The following PSD3 variants were observed in gnomAD, a reference collection of about 807,000 sequenced individuals.
PSD3 encodes pleckstrin and Sec7 domain containing 3.
Under a neutral mutation model 105.5 loss-of-function variants are expected in PSD3, and 49 were observed. That is an observed-to-expected ratio of 0.46 (90% CI 0.37 to 0.59). The LOEUF is 0.59. Ranked by LOEUF, PSD3 falls within the 20% of genes least tolerant of loss-of-function variation. The pLI is 0.00. For missense variants in PSD3, 1,561 were observed against 1,263.8 expected (o/e 1.24, Z -3.57); for synonymous variants, 557 against 457.8 (o/e 1.22, Z -2.77).
At chr8:19,068,666 C>T (rs181371329) in intron 1 of PSD3, among the ~76,000 whole-genome samples, 4 of 151,548 alleles carry the variant, frequency 2.6e-5, no homozygotes, top group South Asian at 2.1e-4. Context: ...CTGAGAATGA[C>T]GAGTTAATGG....
chr8:18,950,526 T>C (rs1235371291), intron 1 of PSD3, among the ~76,000 whole-genome samples: 1 of 152,114 alleles, frequency 6.6e-6, no homozygotes, highest in African/African-American at 2.4e-5. Context: ...CTGGCCATCA[T>C]CTCCCGATTT....
chr8:18,928,936 G>C (rs1821562000), intron 2 of PSD3, among the ~76,000 whole-genome samples: 2 of 151,864 alleles, frequency 1.3e-5, no homozygotes, highest in Non-Finnish European at 2.9e-5. Flanking sequence ...CCCACCTCCA[G>C]CCTCCCAAGC....
intron 2 of PSD3, among the ~76,000 whole-genome samples, chr8:18,879,591 CT>C (rs879916390): frequency 6.2e-5 from 9 of 146,094 alleles, no homozygotes; most frequent in Admixed American, 2.2e-4. Flanking sequence ...TTCATCATTG[CT>C]TTTTTTTTCT....
At chr8:19,074,777 C>T (rs533745983) in intron 1 of PSD3, among the ~76,000 whole-genome samples, 4 of 151,024 alleles carry the variant, frequency 2.6e-5, no homozygotes, top group Admixed American at 6.6e-5. Flanking sequence ...CCCACCACCA[C>T]ACCGGGCTAA....
chr8:19,080,268 G>T lies in PSD3; in HGVS notation c.324+3938C>A, dbSNP rs138629087. Among the ~76,000 whole-genome samples, 607 of 152,312 alleles carry T rather than the reference G, an allele frequency of 4.0e-3. 7 individuals are homozygous for T. The highest frequency in any genetic ancestry group is 0.014 in the African/African-American group (577 of 41,560). ...TATTCATAGATGCATAGGTATTATA[G>T]AATTTTTGAGGTAGAAAGATTTCCT... On this transcript the variant is annotated intron_variant, in intron 1 of 1. Coordinates refer to the PSD3 transcript ENST00000521475.
chr8:19,069,267 G>A (rs989417104), intron 1 of PSD3, among the ~76,000 whole-genome samples: 5 of 152,022 alleles, frequency 3.3e-5, no homozygotes, highest in Admixed American at 6.6e-5. Context: ...AATCTTATTC[G>A]GGCTGTGGGA....
At position 18,530,932 on chromosome 8, in the gene PSD3, T is replaced by C. The variant is rs1799608737; in HGVS notation, c.*4811A>G. On this transcript the variant is annotated 3_prime_UTR_variant, in exon 16 of 16. Coordinates refer to ENST00000327040, the MANE Select transcript of PSD3 (RefSeq NM_015310.4). ...TACTCTCAACAACTTCATTATATAA[T>C]CAGTCCTATGAGGTTGTACTTGCTT... 1 of 152,228 alleles carries C rather than the reference T, an allele frequency of 6.6e-6. No individual in the cohort carries two copies. Among genetic ancestry groups the C allele is most frequent in the Non-Finnish European group, 1.5e-5 (1 of 68,044 alleles). The allele number at this position is 152,228 out of a possible 1,614,324, so 9.4% of individuals were successfully genotyped here.
intron 8 of PSD3, among the ~76,000 whole-genome samples, chr8:18,777,989 G>C (rs751712232): frequency 6.6e-6 from 1 of 152,062 alleles, no homozygotes; most frequent in Non-Finnish European, 1.5e-5. Flanking sequence ...CATTTTAATG[G>C]AAGAGTAATA....
intron 2 of PSD3, among the ~76,000 whole-genome samples, chr8:18,902,873 C>T (rs1009525684): frequency 2.6e-5 from 4 of 152,252 alleles, no homozygotes; most frequent in Admixed American, 1.3e-4. Flanking sequence ...TTCAGTCCTC[C>T]TATTCTCATT....
chr8:18,820,433 T>C (rs1489975313), intron 4 of PSD3, among the ~76,000 whole-genome samples: 1 of 152,150 alleles, frequency 6.6e-6, no homozygotes, highest in African/African-American at 2.4e-5. Context: ...CCCTACAAAA[T>C]ACCAAAATCC....
rs1006505271 is a variant in PSD3 at position 18,672,292 on chromosome 8, T to TA, written c.2173-16608dup. Among the ~76,000 whole-genome samples the TA allele has an allele frequency of 2.5e-3, 367 of 146,874 alleles. 5 individuals are homozygous for TA. Among genetic ancestry groups the TA allele is most frequent in the East Asian group, 3.7e-3 (19 of 5,084 alleles). On this transcript the variant is annotated intron_variant, in intron 9 of 15. Coordinates refer to ENST00000327040, the MANE Select transcript of PSD3 (RefSeq NM_015310.4). ...GATGAAGTTAACGTGCACAGTTTAT[T>TA]AAAAAAAAAAACTTGCTGGGTAACA... is the stretch of plus-strand genomic sequence containing the variant.
chr8:18,739,507 G>A (rs1317811893), intron 9 of PSD3, among the ~76,000 whole-genome samples: 3 of 152,066 alleles, frequency 2.0e-5, no homozygotes, highest in Non-Finnish European at 4.4e-5. Context: ...AAAGAAGAAG[G>A]TAATATGTAC....
Position 18,959,474 on chromosome 8 carries a change from C to G in PSD3, c.22-23332G>C, listed in dbSNP as rs1342982935. Among the ~76,000 whole-genome samples the G allele has an allele frequency of 3.9e-5, 6 of 152,232 alleles. No individual in the cohort carries two copies. In the East Asian group the frequency reaches 5.8e-4, roughly 15 times the overall value. On this transcript the variant is annotated intron_variant, in intron 1 of 15. Coordinates refer to ENST00000327040, the MANE Select transcript of PSD3 (RefSeq NM_015310.4). ...CAGCCTACAAAATAAAGCTCACACT[C>G]TAGCTCTGCACATCTGACTCCAGTC...
chr8:18,977,147 C>T (rs1035908845), intron 1 of PSD3, among the ~76,000 whole-genome samples: 13 of 150,996 alleles, frequency 8.6e-5, no homozygotes, highest in Admixed American at 1.3e-4. Flanking sequence ...GTAATCCCAG[C>T]TACTTGGGAG....
chr8:18,711,295 C>T (rs1191224873), intron 9 of PSD3, among the ~76,000 whole-genome samples: 1 of 152,068 alleles, frequency 6.6e-6, no homozygotes, highest in African/African-American at 2.4e-5. Flanking sequence ...ACAATATGAA[C>T]CTTAAATGTA....
intron 9 of PSD3, among the ~76,000 whole-genome samples, chr8:18,690,695 G>A (rs985400568): frequency 3.9e-5 from 6 of 152,144 alleles, no homozygotes; most frequent in Admixed American, 6.5e-5. Context: ...TTTCCTAAAC[G>A]GGACTCAGAC....
intron 9 of PSD3, among the ~76,000 whole-genome samples, chr8:18,663,330 G>C (rs4921948): frequency 0.053 from 8,020 of 152,124 alleles, 319 homozygotes; most frequent in African/African-American, 0.11. Flanking sequence ...AGAGGCTGAT[G>C]CAGGAGGATT....
At chr8:18,628,166 A>G (rs772292397) in intron 11 of PSD3, among the ~76,000 whole-genome samples, 1 of 151,974 alleles carries the variant, frequency 6.6e-6, no homozygotes, top group Non-Finnish European at 1.5e-5. Flanking sequence ...AACAAGTCCC[A>G]TAACAGGAGT....
intron 4 of PSD3, among the ~76,000 whole-genome samples, chr8:18,821,356 GATT>G (rs1041203269): frequency 1.7e-4 from 25 of 148,944 alleles, no homozygotes; most frequent in African/African-American, 5.0e-4. Flanking sequence ...ATACATTTGA[GATT>G]ATTATTAGAA....
Sources: gnomAD v4.1 joint callset for allele counts (sites outside exome capture counted in the v4.1 genomes callset) on GRCh38, gnomAD v4.1.1 for gene constraint, MANE v1.5 for transcripts, NCBI Gene and HGNC (gene_info 2026-07-23, HGNC 2026-07-21) for gene names.